NRXN1: variants seen among roughly 807,000 people sequenced by gnomAD.
The protein encoded by NRXN1 is neurexin 1, also known as neurexin-1.
A neutral mutation model predicts 150.9 loss-of-function variants in NRXN1; 39 were observed. That is an observed-to-expected ratio of 0.26 (90% CI 0.20 to 0.34). The LOEUF (loss-of-function observed/expected upper bound fraction) is 0.34. Among genes scored for constraint, NRXN1 ranks in the 10% least tolerant of loss-of-function variants. The pLI is 1.00. For synonymous variants in NRXN1, 924 were observed against 757.0 expected, an observed-to-expected ratio of 1.22 and a Z score of -3.62; for missense variants, 1,815 against 1,949.9, an observed-to-expected ratio of 0.93 and a Z score of 1.30.
At chr2:50,290,402 C>A (rs1396100715) in intron 17 of NRXN1, among the ~76,000 whole-genome samples, 1 of 152,150 alleles carries the variant, frequency 6.6e-6, no homozygotes, top group Non-Finnish European at 1.5e-5. Context: ...GTGTAAGTGC[C>A]ACACTTCCTT....
chr2:50,956,450 T>G (rs187106500), intron 2 of NRXN1, among the ~76,000 whole-genome samples: 1 of 152,128 alleles, frequency 6.6e-6, no homozygotes, highest in African/African-American at 2.4e-5. Flanking sequence ...ACAAATACAC[T>G]TTAAAAGTAA....
At chr2:50,472,643 A>G (rs1454950568) in intron 15 of NRXN1, among the ~76,000 whole-genome samples, 172 bp from the exon 16 acceptor site, 1 of 150,796 alleles carries the variant, frequency 6.6e-6, no homozygotes, top group Admixed American at 6.6e-5. Context: ...TGAATAATAT[A>G]CTGGCACTAG....
At chr2:49,932,868 G>C (rs1374385611) in intron 22 of NRXN1, among the ~76,000 whole-genome samples, 1 of 152,114 alleles carries the variant, frequency 6.6e-6, no homozygotes, top group East Asian at 1.9e-4. Flanking sequence ...TTACAGGAAA[G>C]AAAACTAAGT....
chr2:50,363,149 C>T (rs1356987356), intron 17 of NRXN1, among the ~76,000 whole-genome samples: 1 of 152,072 alleles, frequency 6.6e-6, no homozygotes, highest in Non-Finnish European at 1.5e-5. Context: ...TAGAAGAAAA[C>T]CTAGGCAATA....
intron 18 of NRXN1, among the ~76,000 whole-genome samples, chr2:50,156,686 A>G (rs1181322756): frequency 6.6e-6 from 1 of 151,986 alleles, no homozygotes; most frequent in Non-Finnish European, 1.5e-5. Context: ...CCATGTTTTA[A>G]TCCTTATCTA....
At chr2:50,919,912 A>G (rs1339743478) in intron 5 of NRXN1, 2 of 255,232 alleles carry the variant, frequency 7.8e-6, no homozygotes, top group African/African-American at 4.6e-5. Context: ...ACTTGCCCAA[A>G]TGTTTTCATT....
intron 19 of NRXN1, among the ~76,000 whole-genome samples, chr2:50,057,070 C>A (rs1267569970): frequency 6.6e-6 from 1 of 152,116 alleles, no homozygotes; most frequent in Non-Finnish European, 1.5e-5. Flanking sequence ...ATTAATCACA[C>A]CCATTTTCCA....
intron 17 of NRXN1, among the ~76,000 whole-genome samples, chr2:50,287,235 G>A (rs142582412): frequency 1.4e-3 from 216 of 152,034 alleles, no homozygotes; most frequent in Non-Finnish European, 1.9e-3. Flanking sequence ...ATAATTTCCT[G>A]GATTGAAAAT....
At chr2:51,024,121 G>A (rs1256395807) in intron 2 of NRXN1, among the ~76,000 whole-genome samples, 3 of 152,130 alleles carry the variant, frequency 2.0e-5, no homozygotes, top group Admixed American at 2.0e-4. Context: ...ATTCTTTCAA[G>A]TTGCTAGGGA....
At chr2:50,038,300 C>T (rs926881737) in intron 21 of NRXN1, among the ~76,000 whole-genome samples, 1 of 152,222 alleles carries the variant, frequency 6.6e-6, no homozygotes, top group Non-Finnish European at 1.5e-5. Context: ...AGACTTACAG[C>T]AGCCAGGAGG....
intron 8 of NRXN1, among the ~76,000 whole-genome samples, chr2:50,560,846 G>C (rs1422709667): frequency 1.3e-5 from 2 of 152,086 alleles, no homozygotes; most frequent in East Asian, 1.9e-4. Flanking sequence ...ACCATGTACA[G>C]ATAATATTTT....
At chr2:50,567,891 G>T (rs1000925049) in intron 8 of NRXN1, among the ~76,000 whole-genome samples, 4 of 152,044 alleles carry the variant, frequency 2.6e-5, no homozygotes, top group Admixed American at 1.3e-4. Flanking sequence ...ATGACAACCT[G>T]CTGATATAGT....
intron 6 of NRXN1, among the ~76,000 whole-genome samples, chr2:50,623,011 C>CA (rs769844757): frequency 5.3e-5 from 8 of 152,016 alleles, no homozygotes; most frequent in Non-Finnish European, 1.2e-4. Flanking sequence ...ATTAAACAAA[C>CA]AAAAAAACCA....
intron 5 of NRXN1, among the ~76,000 whole-genome samples, chr2:50,818,732 T>C (rs1669281134): frequency 6.6e-6 from 1 of 151,948 alleles, no homozygotes; most frequent in South Asian, 2.1e-4. Flanking sequence ...GAAAAGGCAA[T>C]CTATGGAATG....
At chr2:50,520,546 GC>G (rs1355202436) in intron 12 of NRXN1, among the ~76,000 whole-genome samples, 1 of 151,700 alleles carries the variant, frequency 6.6e-6, no homozygotes, top group Non-Finnish European at 1.5e-5. Flanking sequence ...TAATAGAAAA[GC>G]AATTTTGTTA....
At chr2:50,517,012 C>T (rs1035007930) in intron 12 of NRXN1, among the ~76,000 whole-genome samples, 1 of 152,178 alleles carries the variant, frequency 6.6e-6, no homozygotes, top group Non-Finnish European at 1.5e-5. Context: ...TTTTGACCCA[C>T]ACAGACTGTT....
intron 5 of NRXN1, among the ~76,000 whole-genome samples, chr2:50,863,059 A>G (rs747084752): frequency 5.3e-5 from 8 of 152,190 alleles, no homozygotes; most frequent in Middle Eastern, 3.4e-3. Flanking sequence ...GAAAAGGATA[A>G]CAGGATAACA....
At chr2:50,819,965 C>A (rs1259578225) in intron 5 of NRXN1, among the ~76,000 whole-genome samples, 1 of 152,084 alleles carries the variant, frequency 6.6e-6, no homozygotes, top group East Asian at 1.9e-4. Flanking sequence ...CCACTCTGCT[C>A]ACTTGTTAAT....
intron 18 of NRXN1, among the ~76,000 whole-genome samples, chr2:50,162,002 C>T (rs564675767): frequency 8.3e-4 from 126 of 152,150 alleles, no homozygotes; most frequent in African/African-American, 3.0e-3. Context: ...GAAAGAGTAT[C>T]TCAAAAACAA....
Sources: allele counts gnomAD v4.1 joint callset (sites outside exome capture counted in the v4.1 genomes callset), GRCh38; gene constraint gnomAD v4.1.1; transcripts MANE v1.5; gene names NCBI Gene and HGNC (gene_info 2026-07-23, HGNC 2026-07-21).